Variants in CPS1 observed in about 807,000 individuals in gnomAD.
The protein encoded by CPS1 is carbamoyl-phosphate synthase 1, also known as carbamoyl-phosphate synthase [ammonia], mitochondrial.
CPS1 carries 109 observed loss-of-function variants against 174.6 expected under a neutral mutation model. The observed-to-expected ratio is 0.62, with a 90% CI of 0.53 to 0.73. The LOEUF is 0.73. Ranked by LOEUF, CPS1 falls within the 30% of genes least tolerant of loss-of-function variation. The probability of loss-of-function intolerance (pLI) is 0.00; values close to 1 mark genes in which losing one functional copy is unlikely to be tolerated. For missense variants in CPS1, 1,689 were observed against 1,821.9 expected, an observed-to-expected ratio of 0.93 and a Z score of 1.33; for synonymous variants, 637 against 632.0, an observed-to-expected ratio of 1.01 and a Z score of -0.12.
intron 13 of CPS1, among the ~76,000 whole-genome samples, chr2:210,597,576 T>C (rs567829604): frequency 2.6e-5 from 4 of 151,936 alleles, no homozygotes; most frequent in South Asian, 4.1e-4. Context: ...CCCAAAGATA[T>C]GTGGGGTTTT....
At chr2:210,595,277 A>G (rs889582901) in intron 12 of CPS1, among the ~76,000 whole-genome samples, 2 of 151,856 alleles carry the variant, frequency 1.3e-5, no homozygotes, top group Non-Finnish European at 2.9e-5. Context: ...ACTTAAGAGA[A>G]AAACCTTAAT....
At chr2:210,570,926 A>G (rs1472110198) in intron 1 of CPS1, among the ~76,000 whole-genome samples, 1 of 151,986 alleles carries the variant, frequency 6.6e-6, no homozygotes, top group Non-Finnish European at 1.5e-5. Flanking sequence ...CTTTAGAAAT[A>G]CACTGAATAC....
chr2:210,504,276 A>G (rs1695221291), intron 1 of CPS1, among the ~76,000 whole-genome samples: 1 of 152,224 alleles, frequency 6.6e-6, no homozygotes, highest in Non-Finnish European at 1.5e-5. Context: ...TCATTAAGAA[A>G]CAAAACAACC....
intron 33 of CPS1, among the ~76,000 whole-genome samples, chr2:210,663,732 G>A (rs1445325211): frequency 2.0e-5 from 3 of 152,128 alleles, no homozygotes. Context: ...CTTCACTTGT[G>A]TTGGGGCTGT....
chr2:210,666,015 A>T (rs899308683), intron 33 of CPS1, among the ~76,000 whole-genome samples: 25 of 150,778 alleles, frequency 1.7e-4, no homozygotes, highest in Non-Finnish European at 3.0e-4. Context: ...AATGATTGCC[A>T]TTCTAACTGG....
In CPS1 at chr2:210,483,003, A is replaced by G. The variant is rs79797273; in HGVS notation, c.3+5237A>G. Among the ~76,000 whole-genome samples, 189 of 152,344 alleles carry G rather than the reference A, an allele frequency of 1.2e-3. 1 individual carries two copies. Among genetic ancestry groups the G allele is most frequent in the Non-Finnish European group, 2.1e-3 (142 of 68,030 alleles). On this transcript the variant is annotated intron_variant, in intron 1 of 38. Transcript: ENST00000430249. Reference sequence around the variant, plus strand: ...ATATTGATCAACCAGAAACTTAAACATATTTTGCGCAGAATAAAGAACAAC... The same window carrying G: ...ATATTGATCAACCAGAAACTTAAACGTATTTTGCGCAGAATAAAGAACAAC...
intron 1 of CPS1, among the ~76,000 whole-genome samples, chr2:210,562,481 A>G (rs1228313668): frequency 6.6e-6 from 1 of 152,220 alleles, no homozygotes; most frequent in Non-Finnish European, 1.5e-5. Flanking sequence ...AAAAATCCAT[A>G]TCTTAATAGT....
At chr2:210,547,609 T>C (rs939106242) in intron 1 of CPS1, among the ~76,000 whole-genome samples, 1 of 152,084 alleles carries the variant, frequency 6.6e-6, no homozygotes, top group Admixed American at 6.6e-5. Flanking sequence ...TGCATGCAAA[T>C]AGAAACTGCA....
intron 18 of CPS1, among the ~76,000 whole-genome samples, 159 bp from the exon 19 acceptor site, chr2:210,608,202 C>T (rs576333439): frequency 3.3e-5 from 5 of 151,670 alleles, no homozygotes; most frequent in Admixed American, 2.0e-4. Context: ...CCTATTATTC[C>T]GCAAGTGGCT....
At chr2:210,549,629 A>G (rs1280823611) in intron 1 of CPS1, among the ~76,000 whole-genome samples, 1 of 152,068 alleles carries the variant, frequency 6.6e-6, no homozygotes, top group African/African-American at 2.4e-5. Context: ...TAGATCAAAT[A>G]TTAAATAACT....
At chr2:210,574,167 T>C (rs1488016463) in intron 2 of CPS1, among the ~76,000 whole-genome samples, 1 of 152,056 alleles carries the variant, frequency 6.6e-6, no homozygotes. Context: ...CTTTTTGAGT[T>C]CTAGTTTCTT....
intron 1 of CPS1, among the ~76,000 whole-genome samples, chr2:210,530,075 C>A (rs1696078735): frequency 6.6e-6 from 1 of 151,900 alleles, no homozygotes; most frequent in African/African-American, 2.4e-5. Flanking sequence ...GTAAGGGTTA[C>A]CACTTTATAA....
At chr2:210,621,223 A>T (rs767317601) in intron 21 of CPS1, among the ~76,000 whole-genome samples, 1 of 152,082 alleles carries the variant, frequency 6.6e-6, no homozygotes, top group Non-Finnish European at 1.5e-5. Flanking sequence ...ACATATTTAC[A>T]GTGGATTTCT....
At position 210,611,920 on chromosome 2, in the gene CPS1, C is replaced by T. The variant is rs532997994; in HGVS notation, c.2392-197C>T. 9.3e-5 allele frequency among the ~76,000 whole-genome samples: 14 copies of T among 149,808 alleles called. 1 individual carries two copies. The highest frequency in any genetic ancestry group is 3.4e-4 in the African/African-American group (14 of 40,770). The stretch of plus-strand genomic sequence containing the variant: ...GTAAAAGACTGACCTAATGAAGATG[C>T]ATTATACCAAAACCATGGAGAAAGT... On this transcript the variant is annotated intron_variant, in intron 19 of 37. Transcript: ENST00000233072.
At chr2:210,625,589 G>A (rs1699674519) in intron 21 of CPS1, among the ~76,000 whole-genome samples, 1 of 151,980 alleles carries the variant, frequency 6.6e-6, no homozygotes, top group African/African-American at 2.4e-5. Context: ...TCAGTCCAAG[G>A]ACAATATTCT....
At chr2:210,512,800 A>G (rs558965144) in intron 1 of CPS1, among the ~76,000 whole-genome samples, 1 of 129,554 alleles carries the variant, frequency 7.7e-6, no homozygotes. Context: ...AGAGAGATAT[A>G]TATATATGGA....
intron 21 of CPS1, among the ~76,000 whole-genome samples, chr2:210,629,299 T>A (rs1001780643): frequency 7.9e-5 from 12 of 152,194 alleles, no homozygotes; most frequent in African/African-American, 2.9e-4. Context: ...AGCTATTTGA[T>A]TGGTATCAGC....
chr2:210,541,869 C>T (rs918566254), intron 1 of CPS1, among the ~76,000 whole-genome samples: 6 of 152,052 alleles, frequency 3.9e-5, no homozygotes, highest in Non-Finnish European at 5.9e-5. Context: ...GTTGTGTGAA[C>T]CAAAGGTGTG....
chr2:210,554,192 C>CAT (rs35834191), upstream of CPS1, among the ~76,000 whole-genome samples: 22 of 127,374 alleles, frequency 1.7e-4, 2 homozygotes, highest in Non-Finnish European at 3.1e-4. Context: ...TACACACACA[C>CAT]ATATATATAT....
Sources: gnomAD v4.1 joint callset for allele counts (sites outside exome capture counted in the v4.1 genomes callset) on GRCh38, gnomAD v4.1.1 for gene constraint, MANE v1.5 for transcripts, NCBI Gene and HGNC (gene_info 2026-07-23, HGNC 2026-07-21) for gene names.